The following TMEM163 variants were observed in gnomAD, a reference collection of about 807,000 sequenced individuals.
TMEM163 encodes the protein transmembrane protein 163.
A neutral mutation model predicts 29.3 loss-of-function variants in TMEM163; 17 were observed. That is an observed-to-expected ratio of 0.58 (90% CI 0.40 to 0.87). The LOEUF (loss-of-function observed/expected upper bound fraction) is 0.87, where lower values mean the gene tolerates loss of function less well. Among genes scored for constraint, TMEM163 ranks in the 40% least tolerant of loss-of-function variants. TMEM163 has a pLI of 0.00. For synonymous variants in TMEM163, 157 were observed against 160.6 expected (o/e 0.98, Z 0.17); for missense variants, 303 against 381.5 (o/e 0.79, Z 1.71).
At chr2:134,563,292 T>A (rs1681224544) in intron 2 of TMEM163, among the ~76,000 whole-genome samples, 1 of 152,056 alleles carries the variant, frequency 6.6e-6, no homozygotes, top group African/African-American at 2.4e-5. Flanking sequence ...CGAGAATAAG[T>A]ACTCAAATTA....
intron 2 of TMEM163, among the ~76,000 whole-genome samples, chr2:134,568,668 G>A (rs1399044868): frequency 7.9e-6 from 1 of 126,078 alleles, no homozygotes; most frequent in Non-Finnish European, 1.7e-5. Context: ...AGGAAGGAAG[G>A]AAAGAAGGAA....
intron 2 of TMEM163, among the ~76,000 whole-genome samples, chr2:134,650,633 G>A (rs373712132): frequency 1.6e-4 from 23 of 143,746 alleles, no homozygotes; most frequent in Non-Finnish European, 2.8e-4. Flanking sequence ...ATGCTGGTGC[G>A]CTGCACCCAC....
chr2:134,491,301 T>C (rs954041268), intron 5 of TMEM163, among the ~76,000 whole-genome samples: 5 of 152,138 alleles, frequency 3.3e-5, no homozygotes, highest in Admixed American at 6.5e-5. Context: ...CTCTTCTCTA[T>C]TTTTCTTTCC....
intron 5 of TMEM163, among the ~76,000 whole-genome samples, chr2:134,477,665 T>C (rs957568983): frequency 6.6e-6 from 1 of 152,244 alleles, no homozygotes; most frequent in East Asian, 1.9e-4. Context: ...AAACATACCA[T>C]GAAGGCCTAG....
intron 2 of TMEM163, among the ~76,000 whole-genome samples, chr2:134,707,701 T>C (rs1234351969): frequency 1.3e-5 from 2 of 151,686 alleles, no homozygotes; most frequent in African/African-American, 4.9e-5. Flanking sequence ...AAATTGGCGG[T>C]GTCATGGATA....
intron 5 of TMEM163, among the ~76,000 whole-genome samples, chr2:134,498,266 C>A (rs1001175311): frequency 3.9e-5 from 6 of 152,126 alleles, no homozygotes; most frequent in African/African-American, 1.4e-4. Flanking sequence ...CAGCGCCACC[C>A]TCCACGTGCT....
intron 2 of TMEM163, among the ~76,000 whole-genome samples, chr2:134,644,771 C>G (rs767956268): frequency 3.3e-5 from 5 of 151,996 alleles, no homozygotes; most frequent in Non-Finnish European, 7.4e-5. Context: ...GATCAACTGA[C>G]TTCACCAAAA....
At chr2:134,490,872 A>C (rs530151373) in intron 5 of TMEM163, among the ~76,000 whole-genome samples, 1 of 152,290 alleles carries the variant, frequency 6.6e-6, no homozygotes, top group South Asian at 2.1e-4. Context: ...TTGGGAAATA[A>C]AAAAAGCATT....
chr2:134,661,929 C>CTTTTTTTTTTTTTTTTTTTTTTTTTTT (rs1328565759), intron 2 of TMEM163, among the ~76,000 whole-genome samples: 1 of 121,212 alleles, frequency 8.3e-6, no homozygotes, highest in South Asian at 2.6e-4. Context: ...AATTTTCTTT[C>CTTTTTTTTTTTTTTTTTTTTTTTTTTT]TTTTTTTTTT....
At chr2:134,600,940 G>A (rs1170657914) in intron 2 of TMEM163, among the ~76,000 whole-genome samples, 1 of 152,034 alleles carries the variant, frequency 6.6e-6, no homozygotes, top group Admixed American at 6.6e-5. Flanking sequence ...CCATATCCTG[G>A]GTGGCCCCAG....
intron 6 of TMEM163, among the ~76,000 whole-genome samples, chr2:134,464,956 G>C (rs540200811): frequency 1.3e-5 from 2 of 152,110 alleles, no homozygotes; most frequent in Non-Finnish European, 2.9e-5. Flanking sequence ...CGTCCTGCGG[G>C]TGAGAAGGGC....
intron 2 of TMEM163, among the ~76,000 whole-genome samples, chr2:134,611,127 T>C (rs1682497227): frequency 6.6e-6 from 1 of 152,170 alleles, no homozygotes; most frequent in South Asian, 2.1e-4. Flanking sequence ...AAAATATGTA[T>C]CATGTAGCCA....
At chr2:134,547,238 A>G (rs1680810839) in intron 4 of TMEM163, among the ~76,000 whole-genome samples, 1 of 152,258 alleles carries the variant, frequency 6.6e-6, no homozygotes, top group Non-Finnish European at 1.5e-5. Flanking sequence ...AAAAATCTTT[A>G]AAATGCAAAA....
chr2:134,718,911 G>A lies in TMEM163; in HGVS notation c.25C>T (p.Arg9Cys). The A allele has an allele frequency of 9.3e-7, 1 of 1,073,288 alleles. No homozygotes were observed. Among genetic ancestry groups the A allele is most frequent in the African/African-American group, 1.7e-5 (1 of 59,114 alleles). 66.5% of individuals were successfully genotyped at this position (1,073,288 alleles called of 1,614,324 possible). The change falls in exon 1 of 8, where the codon CGC (arginine) becomes TGC (cysteine). Residue 9 changes from arginine to cysteine, a missense_variant. By Grantham distance (180) the Arg-to-Cys change is radical (BLOSUM62 -3). Coordinates refer to ENST00000281924, the MANE Select transcript of TMEM163 (RefSeq NM_030923.5). The stretch of plus-strand genomic sequence containing the variant: ...ACGGTGGGCCCCTGGGAGCTGCGGC[G>A]CTGGATGCCCGCGGCCGGCTCCATG... MEPAAGIQ[R>C]RSSQGPTVPP...
chr2:134,480,084 G>A (rs1687014124), intron 5 of TMEM163, among the ~76,000 whole-genome samples: 1 of 152,190 alleles, frequency 6.6e-6, no homozygotes, highest in African/African-American at 2.4e-5. Flanking sequence ...AGATAAGTGT[G>A]CCCATGACCT....
At chr2:134,707,013 C>T (rs565959215) in intron 2 of TMEM163, among the ~76,000 whole-genome samples, 2 of 152,316 alleles carry the variant, frequency 1.3e-5, no homozygotes, top group South Asian at 4.1e-4. Context: ...TGGTCCCCAC[C>T]TCTCAGAAGC....
At chr2:134,529,057 T>C (rs541609493) in intron 4 of TMEM163, among the ~76,000 whole-genome samples, 2 of 152,322 alleles carry the variant, frequency 1.3e-5, no homozygotes, top group Admixed American at 6.5e-5. Flanking sequence ...CCCGGCCAGA[T>C]GCTATGGCTC....
intron 2 of TMEM163, among the ~76,000 whole-genome samples, chr2:134,652,458 G>T (rs1683502628): frequency 1.1e-5 from 1 of 92,672 alleles, no homozygotes; most frequent in Non-Finnish European, 2.0e-5. Flanking sequence ...GAGACAATGG[G>T]GTTTTCTAGA....
At position 134,554,272 on chromosome 2, in the gene TMEM163, A is replaced by G. The variant is rs1041682476; in HGVS notation, c.323-2181T>C. On this transcript the variant is annotated intron_variant, in intron 2 of 7. Coordinates refer to ENST00000281924, the MANE Select transcript of TMEM163 (RefSeq NM_030923.5). ...ACCCCATCTCTACTAAAAATGCAAA[A>G]AGAATAAGCCGGGCGTGGTGGCGTG... is the stretch of plus-strand genomic sequence containing the variant. 5.3e-5 allele frequency among the ~76,000 whole-genome samples: 8 copies of G among 151,914 alleles called. No homozygotes were observed. The South Asian group carries it at 1.7e-3, about 32-fold the overall frequency.
Sources: allele counts gnomAD v4.1 joint callset (sites outside exome capture counted in the v4.1 genomes callset), GRCh38; gene constraint gnomAD v4.1.1; transcripts MANE v1.5; gene names NCBI Gene and HGNC (gene_info 2026-07-23, HGNC 2026-07-21).